The following PKP4 variants were observed in gnomAD, a reference collection of about 807,000 sequenced individuals.
PKP4 encodes plakophilin-4.
In PKP4, 90 loss-of-function variants were observed where a neutral mutation model predicts 145.1. The ratio of observed to expected loss-of-function variants is 0.62; its 90% CI spans 0.52 to 0.74. PKP4 has a LOEUF of 0.74. Ranked by LOEUF, PKP4 falls within the 30% of genes least tolerant of loss-of-function variation. The pLI is 0.00. For missense variants in PKP4, 1,340 were observed against 1,482.7 expected, an observed-to-expected ratio of 0.90 and a Z score of 1.58; for synonymous variants, 563 against 577.2, an observed-to-expected ratio of 0.98 and a Z score of 0.35.
chr2:158,495,033 A>C (rs1178375988), intron 1 of PKP4, among the ~76,000 whole-genome samples: 2 of 152,018 alleles, frequency 1.3e-5, no homozygotes, highest in Non-Finnish European at 2.9e-5. Context: ...CCTGGCCAAC[A>C]TAGTGAAACC....
intron 1 of PKP4, among the ~76,000 whole-genome samples, chr2:158,472,246 A>G (rs1263317641): frequency 2.6e-5 from 4 of 152,236 alleles, no homozygotes; most frequent in Admixed American, 6.5e-5. Context: ...ATACTTCAAC[A>G]TCGTGCTGTA....
At chr2:158,580,715 T>A in intron 3 of PKP4, among the ~76,000 whole-genome samples, 1 of 152,218 alleles carries the variant, frequency 6.6e-6, no homozygotes, top group Non-Finnish European at 1.5e-5. Context: ...GTGGGTTTCT[T>A]CATTCAGTGA....
At chr2:158,596,099 A>G (rs2049716857) in intron 3 of PKP4, among the ~76,000 whole-genome samples, 1 of 151,942 alleles carries the variant, frequency 6.6e-6, no homozygotes, top group Non-Finnish European at 1.5e-5. Context: ...ACTTCTCACA[A>G]TAGATTTGGA....
At chr2:158,616,939 T>C (rs939847276) in intron 4 of PKP4, among the ~76,000 whole-genome samples, 1 of 152,170 alleles carries the variant, frequency 6.6e-6, no homozygotes, top group African/African-American at 2.4e-5. Context: ...ACTGTATATT[T>C]GGGGATGTAC....
intron 1 of PKP4, among the ~76,000 whole-genome samples, chr2:158,479,579 C>T (rs1244128047): frequency 6.6e-6 from 1 of 151,852 alleles, no homozygotes; most frequent in East Asian, 1.9e-4. Context: ...TTTATTTTTC[C>T]TTAATATAGT....
Position 158,489,500 on chromosome 2 carries a change from A to G in PKP4, c.-6+32282A>G, listed in dbSNP as rs1388139466. Among the ~76,000 whole-genome samples the G allele has an allele frequency of 4.6e-5, 7 of 152,124 alleles. No homozygotes were observed. In the South Asian group the frequency reaches 6.2e-4, roughly 13 times the overall value. ...TGTCATCCCTGAAATCATCTTCTGT[A>G]CCTAAAATGTTCCAGCTACCCATCG... On this transcript the variant is annotated intron_variant, in intron 1 of 21. Transcript: ENST00000389759.
Position 158,680,573 on chromosome 2 carries a change from C to T in PKP4, c.3475C>T (p.Gln1159Ter), listed in dbSNP as rs768084165. The T allele has an allele frequency of 1.2e-6, 2 of 1,614,048 alleles. No homozygotes were observed. Among genetic ancestry groups the T allele is most frequent in the Non-Finnish European group, 1.7e-6 (2 of 1,179,922 alleles). Residue 1159 changes from glutamine to a stop codon, truncating the protein, a stop_gained, in exon 22 of 22, where the codon CAG becomes TAG. Coordinates refer to ENST00000389759, the MANE Select transcript of PKP4 (RefSeq NM_003628.6). LOFTEE classifies it high-confidence loss of function. ...HFPASTDYSTQYGLKSTTNYV... is the reference protein window; with the variant it reads ...HFPASTDYST ...TCCAGCTTCTACTGATTACTCAACA[C>T]AGTATGGACTGAAATCGACCACAAA...
rs149837581 is a variant in PKP4, at chr2:158,625,230, C to T, written c.956C>T (p.Thr319Met). 750 of 1,614,192 alleles carry T rather than the reference C, an allele frequency of 4.6e-4. 7 individuals carry two copies. In the African/African-American group the frequency reaches 9.1e-3, roughly 20 times the overall value. Residue 319 changes from threonine (T) to methionine (M), a missense_variant, in exon 7 of 22, where the codon ACG (threonine) becomes ATG (methionine). Transcript: ENST00000389759. The stretch of plus-strand genomic sequence containing the variant: ...AGAGTGGGGTCCCCACTGACCCTGA[C>T]GGATGCACAGACTCGAGTAGCTTCC... ...TARVGSPLTL[T>M]DAQTRVASPS...
chr2:158,625,995 A>G (rs1051540590), intron 7 of PKP4, among the ~76,000 whole-genome samples: 8 of 152,190 alleles, frequency 5.3e-5, no homozygotes, highest in African/African-American at 7.2e-5. Flanking sequence ...CGGGTCCCTA[A>G]TACAGCTGTT....
intron 3 of PKP4, among the ~76,000 whole-genome samples, chr2:158,600,889 C>A (rs2050170048): frequency 6.6e-6 from 1 of 152,136 alleles, no homozygotes; most frequent in African/African-American, 2.4e-5. Context: ...ATTGCCTTCA[C>A]CTAGGAATAC....
intron 2 of PKP4, among the ~76,000 whole-genome samples, chr2:158,576,068 T>C (rs2047821514): frequency 6.6e-6 from 1 of 152,146 alleles, no homozygotes; most frequent in Admixed American, 6.5e-5. Context: ...CCAGTTGGGA[T>C]CATTAGGAAA....
intron 1 of PKP4, among the ~76,000 whole-genome samples, chr2:158,459,631 C>T (rs1689447464): frequency 2.6e-5 from 4 of 152,108 alleles, no homozygotes; most frequent in Admixed American, 2.6e-4. Context: ...TTGTAAATGC[C>T]AACAGGAAAC....
At chr2:158,477,960 T>C (rs1692752829) in intron 1 of PKP4, among the ~76,000 whole-genome samples, 1 of 152,222 alleles carries the variant, frequency 6.6e-6, no homozygotes. Context: ...GTTTCATATA[T>C]ATAACTGATA....
intron 1 of PKP4, among the ~76,000 whole-genome samples, chr2:158,466,437 C>T (rs1451472799): frequency 6.6e-6 from 1 of 152,070 alleles, no homozygotes; most frequent in Non-Finnish European, 1.5e-5. Context: ...TGGCTCACAC[C>T]TGTAATCCCA....
At chr2:158,674,989 A>T (rs1319560174) in intron 19 of PKP4, among the ~76,000 whole-genome samples, 1 of 152,086 alleles carries the variant, frequency 6.6e-6, no homozygotes, top group Non-Finnish European at 1.5e-5. Flanking sequence ...TGTGTATGGT[A>T]TATATCTTAG....
At chr2:158,480,010 ATCT>A in intron 1 of PKP4, among the ~76,000 whole-genome samples, 1 of 152,292 alleles carries the variant, frequency 6.6e-6, no homozygotes, top group South Asian at 2.1e-4. Flanking sequence ...GGGGAGATTC[ATCT>A]TCTTAGACGT....
chr2:158,580,623 A>G (rs921157238), intron 3 of PKP4, among the ~76,000 whole-genome samples: 1 of 152,082 alleles, frequency 6.6e-6, no homozygotes, highest in Non-Finnish European at 1.5e-5. Context: ...TCCTTTTTTG[A>G]GAGTGCAGTG....
At chr2:158,506,355 G>A (rs1338004259) in intron 1 of PKP4, among the ~76,000 whole-genome samples, 3 of 152,174 alleles carry the variant, frequency 2.0e-5, no homozygotes, top group Non-Finnish European at 4.4e-5. Context: ...CCTCCCAAGG[G>A]TATTTAAGTA....
At position 158,653,204 on chromosome 2, in the gene PKP4, T is replaced by TGCATATCTGCCAC. The variant is rs2055564025; in HGVS notation, c.1910-4926_1910-4914dup. On this transcript the variant is annotated intron_variant, in intron 11 of 21. Transcript: ENST00000389759. ...AGAAAAACAGTTGTATAGGCTGCCATGCATATCTGCCACCAGAGAAATCGC... is the reference window on the plus strand; with the variant it reads ...AGAAAAACAGTTGTATAGGCTGCCATGCATATCTGCCACGCATATCTGCCACCAGAGAAATCGC... Among the ~76,000 whole-genome samples, 5 of 152,122 alleles carry TGCATATCTGCCAC rather than the reference T, an allele frequency of 3.3e-5. 1 individual carries two copies. Among genetic ancestry groups the TGCATATCTGCCAC allele is most frequent in the East Asian group, 1.9e-4 (1 of 5,172 alleles).
Sources: gnomAD v4.1 joint callset for allele counts (sites outside exome capture counted in the v4.1 genomes callset) on GRCh38, gnomAD v4.1.1 for gene constraint, MANE v1.5 for transcripts, NCBI Gene and HGNC (gene_info 2026-07-23, HGNC 2026-07-21) for gene names.